The following RUNX1 variants were observed in gnomAD, a reference collection of about 807,000 sequenced individuals.
RUNX1 encodes the protein RUNX family transcription factor 1, also known as runt-related transcription factor 1.
A neutral mutation model predicts 42.8 loss-of-function variants in RUNX1; 19 were observed. The ratio of observed to expected loss-of-function variants is 0.44; its 90% CI spans 0.31 to 0.65. The LOEUF is 0.65. RUNX1 is among the 30% of genes least tolerant of loss of function. RUNX1 has a pLI of 0.07. For missense variants in RUNX1, 528 were observed against 672.0 expected, an observed-to-expected ratio of 0.79 and a Z score of 2.37; for synonymous variants, 271 against 289.4, an observed-to-expected ratio of 0.94 and a Z score of 0.64.
At chr21:34,835,429 G>A (rs2057132183) in intron 6 of RUNX1, among the ~76,000 whole-genome samples, 1 of 151,628 alleles carries the variant, frequency 6.6e-6, no homozygotes, top group South Asian at 2.1e-4. Context: ...TGTCTATATA[G>A]GGTGGGATGG....
At chr21:34,995,323 G>A (rs535061936) in intron 2 of RUNX1, among the ~76,000 whole-genome samples, 16 of 150,620 alleles carry the variant, frequency 1.1e-4, no homozygotes, top group South Asian at 8.4e-4. Context: ...AATTAAAAGC[G>A]ATAAAATGAG....
chr21:34,983,518 T>C (rs745716962), intron 2 of RUNX1, among the ~76,000 whole-genome samples: 39 of 152,304 alleles, frequency 2.6e-4, no homozygotes, highest in Non-Finnish European at 4.4e-4. Context: ...AAAAGGTAAT[T>C]ACATGAAATG....
chr21:35,040,583 C>A (rs1171526434), intron 2 of RUNX1, among the ~76,000 whole-genome samples: 2 of 151,758 alleles, frequency 1.3e-5, no homozygotes, highest in Admixed American at 6.6e-5. Flanking sequence ...ACCATCCTGG[C>A]CAACATGGTG....
intron 2 of RUNX1, among the ~76,000 whole-genome samples, chr21:34,955,521 G>A (rs553399053): frequency 5.3e-5 from 8 of 152,282 alleles, no homozygotes; most frequent in African/African-American, 9.6e-5. Flanking sequence ...GGAGCCAAGA[G>A]GGCAGGCACA....
chr21:34,989,027 T>TTTC (rs2058915048), intron 2 of RUNX1, among the ~76,000 whole-genome samples: 1 of 151,388 alleles, frequency 6.6e-6, no homozygotes, highest in African/African-American at 2.4e-5. Flanking sequence ...TTTTTTTTTT[T>TTTC]AGATGGAGTT....
intron 6 of RUNX1, among the ~76,000 whole-genome samples, chr21:34,858,026 A>C (rs2057519698): frequency 6.6e-6 from 1 of 152,226 alleles, no homozygotes; most frequent in Admixed American, 6.5e-5. Flanking sequence ...ATCTGGAGGG[A>C]GTCACCGAGC....
rs1201686259 is a variant in RUNX1, at chr21:34,901,234, G to A, written c.59-8271C>T. ...TGTGCAAAGATAACAGTTTCTGGCT[G>A]GTCACGGTGGGTCACGCCTGTAATC... On this transcript the variant is annotated intron_variant, in intron 2 of 8. Coordinates refer to ENST00000675419, the MANE Select transcript of RUNX1 (RefSeq NM_001754.5). This position sits in a 1 kb window ranked among gnomAD's most constrained non-coding sequence, Gnocchi z 4.3. Among the ~76,000 whole-genome samples, 1 of 152,048 alleles carries A rather than the reference G, an allele frequency of 6.6e-6. No homozygotes were observed. The highest frequency in any genetic ancestry group is 1.9e-4 in the East Asian group (1 of 5,192).
Position 34,892,987 on chromosome 21 carries a change from A to G in RUNX1, c.59-24T>C, listed in dbSNP as rs1252880184. ...TTCTGAAATAACAGAAAGTAGGAAA[A>G]TAAAAGTAATGCAAGTTTAAAAATT... On this transcript the variant is annotated intron_variant, in intron 2 of 8. Coordinates refer to ENST00000675419, the MANE Select transcript of RUNX1 (RefSeq NM_001754.5). 16 of 1,503,182 alleles carry G rather than the reference A, an allele frequency of 1.1e-5. No individual in the cohort carries two copies. The East Asian group carries it at 1.4e-4, about 13-fold the overall frequency. The allele number at this position is 1,503,182 out of a possible 1,614,324, so 93.1% of individuals were successfully genotyped here. A position where few individuals can be genotyped will look rare whatever the true frequency, so the allele number is the denominator to read the frequency against.
chr21:34,809,018 A>G (rs1340996833), intron 7 of RUNX1, among the ~76,000 whole-genome samples: 1 of 152,166 alleles, frequency 6.6e-6, no homozygotes. Context: ...TTGCAGACAG[A>G]TTCTTTCTCT....
At chr21:34,794,401 A>G (rs1601338009) in intron 8 of RUNX1, among the ~76,000 whole-genome samples, 1 of 152,174 alleles carries the variant, frequency 6.6e-6, no homozygotes. Context: ...TAGTTCCACA[A>G]TTTTAGAAAC....
chr21:34,976,829 C>T (rs577004762), intron 2 of RUNX1, among the ~76,000 whole-genome samples: 78 of 151,866 alleles, frequency 5.1e-4, no homozygotes, highest in African/African-American at 6.8e-4. Flanking sequence ...TTTTTTGCTA[C>T]GCATTCTGCT....
At chr21:34,956,912 A>G (rs1355278541) in intron 2 of RUNX1, among the ~76,000 whole-genome samples, 1 of 152,214 alleles carries the variant, frequency 6.6e-6, no homozygotes, top group Non-Finnish European at 1.5e-5. Flanking sequence ...TCTTGAATTT[A>G]CCCACCAGGC....
chr21:34,860,792 TCTTAATAC>T (rs1398100022), intron 5 of RUNX1, among the ~76,000 whole-genome samples: 1 of 152,180 alleles, frequency 6.6e-6, no homozygotes, highest in Non-Finnish European at 1.5e-5. Flanking sequence ...GTCATGCGTG[TCTTAATAC>T]AAAGGAAGGC....
rs535601725 is a variant in RUNX1 at position 34,826,427 on chromosome 21, T to C, written c.805+7983A>G. Among the ~76,000 whole-genome samples, 236 of 112,280 alleles carry C rather than the reference T, an allele frequency of 2.1e-3. 1 individual carries two copies. The highest frequency in any genetic ancestry group is 6.0e-3 in the African/African-American group (222 of 36,846). 73.7% of individuals were successfully genotyped at this position (112,280 alleles called of 152,430 possible). A position where few individuals can be genotyped will look rare whatever the true frequency, so the allele number is the denominator to read the frequency against. The stretch of plus-strand genomic sequence containing the variant: ...TATGAAATAAATTTCTTTTGTTTTC[T>C]TTCTTTCTTTTTTTTTTTTTTTTTT... On this transcript the variant is annotated intron_variant, in intron 7 of 8. Coordinates refer to ENST00000675419, the MANE Select transcript of RUNX1 (RefSeq NM_001754.5).
intron 5 of RUNX1, among the ~76,000 whole-genome samples, chr21:34,865,952 C>T (rs766677547): frequency 6.6e-6 from 1 of 152,202 alleles, no homozygotes; most frequent in Non-Finnish European, 1.5e-5. Context: ...TCCTATAACA[C>T]CCCGTGTCTG....
At chr21:34,918,811 C>G (rs1368677501) in intron 2 of RUNX1, among the ~76,000 whole-genome samples, 3 of 152,134 alleles carry the variant, frequency 2.0e-5, no homozygotes, top group Non-Finnish European at 4.4e-5. Flanking sequence ...GAGGCTGAGG[C>G]AGGAGAATCG....
At chr21:34,927,543 C>T (rs1000830146) in intron 2 of RUNX1, among the ~76,000 whole-genome samples, 1 of 152,198 alleles carries the variant, frequency 6.6e-6, no homozygotes, top group African/African-American at 2.4e-5. Context: ...CTACTCATTT[C>T]TCCTGAGCCT....
intron 5 of RUNX1, among the ~76,000 whole-genome samples, chr21:34,871,586 C>A (rs192027780): frequency 2.6e-5 from 4 of 152,086 alleles, no homozygotes; most frequent in African/African-American, 9.7e-5. Flanking sequence ...AATCATCGTG[C>A]CCTGAATCTC....
chr21:35,041,920 G>A (rs937187295), intron 2 of RUNX1, among the ~76,000 whole-genome samples: 9 of 152,034 alleles, frequency 5.9e-5, no homozygotes, highest in African/African-American at 2.2e-4. Flanking sequence ...CTCTTTTGTA[G>A]AAAAGAATTC....
Sources: gnomAD v4.1 joint callset for allele counts (sites outside exome capture counted in the v4.1 genomes callset) on GRCh38, gnomAD v4.1.1 for gene constraint, Gnocchi (gnomAD v3.1) non-coding constraint, MANE v1.5 for transcripts, NCBI Gene and HGNC (gene_info 2026-07-23, HGNC 2026-07-21) for gene names.